NEBL: variants seen among roughly 807,000 people sequenced by gnomAD.
NEBL encodes LIM and SH3 protein 2.
NEBL carries 122 observed loss-of-function variants against 140.2 expected under a neutral mutation model. The observed-to-expected ratio is 0.87, with a 90% CI of 0.75 to 1.01. NEBL has a LOEUF of 1.01. Among genes scored for constraint, NEBL ranks in the 50% least tolerant of loss-of-function variants. The pLI, the probability that NEBL is intolerant of heterozygous loss-of-function variation, is 0.00. For missense variants in NEBL, 1,365 were observed against 1,231.3 expected (o/e 1.11, Z -1.62); for synonymous variants, 436 against 398.9 (o/e 1.09, Z -1.11).
At chr10:21,084,809 G>A (rs1462050590) in intron 2 of NEBL, among the ~76,000 whole-genome samples, 1 of 152,080 alleles carries the variant, frequency 6.6e-6, no homozygotes, top group East Asian at 1.9e-4. Flanking sequence ...AGGGGCATAC[G>A]CACTAGCACA....
Position 20,781,617 on chromosome 10 carries a change from T to C in NEBL, c.*4130A>G, listed in dbSNP as rs1010397348. On this transcript the variant is annotated 3_prime_UTR_variant, in exon 28 of 28. Transcript: ENST00000377122. ...AAATCCTATGGCATTCCCAGGAATA[T>C]ACTGAAGTCATACAGACAACTGAGA... The C allele has an allele frequency of 5.9e-5, 9 of 152,328 alleles. No homozygotes were observed. The South Asian group carries it at 1.0e-3, about 17-fold the overall frequency. The allele number at this position is 152,328 out of a possible 1,614,324, so 9.4% of individuals were successfully genotyped here. A position where few individuals can be genotyped will look rare whatever the true frequency, so the allele number is the denominator to read the frequency against.
At chr10:20,975,848 T>C (rs1251839035) in intron 3 of NEBL, among the ~76,000 whole-genome samples, 1 of 152,104 alleles carries the variant, frequency 6.6e-6, no homozygotes, top group Admixed American at 6.5e-5. Flanking sequence ...ATGTGGGCTG[T>C]AAAGAGATTT....
At chr10:21,064,900 C>CA (rs1171343952) in intron 2 of NEBL, among the ~76,000 whole-genome samples, 1 of 148,108 alleles carries the variant, frequency 6.8e-6, no homozygotes, top group Non-Finnish European at 1.5e-5. Flanking sequence ...GTGGTTTGGA[C>CA]AAGCAGGAAA....
chr10:21,057,270 T>C (rs1031627421), intron 2 of NEBL, among the ~76,000 whole-genome samples: 8 of 152,086 alleles, frequency 5.3e-5, no homozygotes, highest in African/African-American at 1.9e-4. Context: ...GGGTTGCTCT[T>C]TGACTTTTGG....
At chr10:21,269,041 C>T (rs1247702589) in intron 1 of NEBL, among the ~76,000 whole-genome samples, 1 of 152,194 alleles carries the variant, frequency 6.6e-6, no homozygotes, top group Non-Finnish European at 1.5e-5. Context: ...GGTTTGACCA[C>T]CGCCAGAGCA....
chr10:21,155,976 T>C (rs1840322138), intron 2 of NEBL, among the ~76,000 whole-genome samples: 1 of 152,118 alleles, frequency 6.6e-6, no homozygotes, highest in Non-Finnish European at 1.5e-5. Flanking sequence ...TCAAAAGCAA[T>C]ATTGGGAACA....
chr10:20,956,143 A>G (rs1835792247), intron 4 of NEBL, among the ~76,000 whole-genome samples: 1 of 152,240 alleles, frequency 6.6e-6, no homozygotes, highest in South Asian at 2.1e-4. Context: ...AAGCAAAACC[A>G]GGTGTAAGGG....
chr10:20,829,482 T>A (rs891729329), intron 16 of NEBL, among the ~76,000 whole-genome samples: 1 of 151,828 alleles, frequency 6.6e-6, no homozygotes, highest in Non-Finnish European at 1.5e-5. Flanking sequence ...ATATACCTAA[T>A]GCTAGATGAC....
rs533386520 is a variant in NEBL at position 20,785,623 on chromosome 10, T to C, written c.*124A>G. The C allele has an allele frequency of 3.6e-6, 4 of 1,116,064 alleles. No individual in the cohort carries two copies. In the South Asian group the frequency reaches 4.1e-5, roughly 11 times the overall value. The allele number at this position is 1,116,064 out of a possible 1,614,324, so 69.1% of individuals were successfully genotyped here. A position where few individuals can be genotyped will look rare whatever the true frequency, so the allele number is the denominator to read the frequency against. ...TTCTTCCTGGTACCTGTGTGTCTAATTGTCAAAGGAAGGATACATCATTGT... is the reference window on the plus strand; with the variant it reads ...TTCTTCCTGGTACCTGTGTGTCTAACTGTCAAAGGAAGGATACATCATTGT... On this transcript the variant is annotated 3_prime_UTR_variant, in exon 28 of 28. Coordinates refer to ENST00000377122, the MANE Select transcript of NEBL (RefSeq NM_006393.3).
intron 3 of NEBL, among the ~76,000 whole-genome samples, chr10:20,965,004 T>G (rs1251084328): frequency 6.6e-6 from 1 of 152,242 alleles, no homozygotes; most frequent in African/African-American, 2.4e-5. Flanking sequence ...TGTAAATTTC[T>G]CATTGACTTC....
intron 2 of NEBL, among the ~76,000 whole-genome samples, chr10:21,154,547 G>A (rs1411765153): frequency 6.6e-6 from 1 of 151,406 alleles, no homozygotes; most frequent in Non-Finnish European, 1.5e-5. Context: ...AATAACACCT[G>A]TGTTTAGAAA....
rs1200910511 is a variant in NEBL at position 21,152,482 on chromosome 10, G to A, written c.164+19901C>T. Among the ~76,000 whole-genome samples the A allele has an allele frequency of 2.0e-5, 3 of 152,146 alleles. No individual in the cohort carries two copies. The East Asian group carries it at 5.8e-4, about 29-fold the overall frequency. On this transcript the variant is annotated intron_variant, in intron 2 of 6. Transcript: ENST00000417816. ...CATAAATCCGCAGGACACTGAAGTGGGAGGATCACCTGAGCCCAGGAGTTC... is the reference window on the plus strand; with the variant it reads ...CATAAATCCGCAGGACACTGAAGTGAGAGGATCACCTGAGCCCAGGAGTTC...
chr10:21,116,776 C>T (rs1838303375), intron 2 of NEBL, among the ~76,000 whole-genome samples: 1 of 152,072 alleles, frequency 6.6e-6, no homozygotes, highest in South Asian at 2.1e-4. Context: ...TTTAAGCAAT[C>T]CTCCCACCTT....
At chr10:20,982,375 T>TGTAGAAC (rs151277895) in intron 3 of NEBL, among the ~76,000 whole-genome samples, 24,655 of 151,962 alleles carry the variant, frequency 0.16, 3,408 homozygotes, top group East Asian at 0.38. Context: ...TTTTTTTATT[T>TGTAGAAC]GTTGAACTTG....
intron 2 of NEBL, among the ~76,000 whole-genome samples, chr10:21,129,868 T>C (rs1412154511): frequency 1.3e-5 from 2 of 151,992 alleles, no homozygotes; most frequent in Non-Finnish European, 2.9e-5. Flanking sequence ...AAAATAGTAA[T>C]AAATACGGCA....
At chr10:21,178,026 A>C (rs1166077297), upstream of NEBL, among the ~76,000 whole-genome samples, 1 of 152,220 alleles carries the variant, frequency 6.6e-6, no homozygotes, top group African/African-American at 2.4e-5. Context: ...TTTCGCAACC[A>C]ACAACTTTGG....
In NEBL at chr10:21,083,792, C is replaced by T. The variant is rs1836494371; in HGVS notation, c.165-63591G>A. On this transcript the variant is annotated intron_variant, in intron 2 of 6. Coordinates refer to the NEBL transcript ENST00000417816. ...CCCAGGAGGTGGAGGTTGCAGTGAGCCATGATTGTGCCACTGCACTGCAGC... is the reference window on the plus strand; with the variant it reads ...CCCAGGAGGTGGAGGTTGCAGTGAGTCATGATTGTGCCACTGCACTGCAGC... Among the ~76,000 whole-genome samples, 8 of 152,110 alleles carry T rather than the reference C, an allele frequency of 5.3e-5. No homozygotes were observed. The South Asian group carries it at 1.7e-3, about 32-fold the overall frequency.
intron 2 of NEBL, among the ~76,000 whole-genome samples, chr10:21,157,420 A>G (rs1840378419): frequency 6.6e-6 from 1 of 152,134 alleles, no homozygotes; most frequent in Non-Finnish European, 1.5e-5. Flanking sequence ...AATACAAAAA[A>G]TTAGCTGGGT....
chr10:20,955,449 G>A (rs150723624), intron 4 of NEBL, among the ~76,000 whole-genome samples: 41 of 152,282 alleles, frequency 2.7e-4, no homozygotes, highest in Non-Finnish European at 5.0e-4. Flanking sequence ...CAGATAGTGT[G>A]AAATTGTCCT....
Sources: gnomAD v4.1 joint callset for allele counts (sites outside exome capture counted in the v4.1 genomes callset) on GRCh38, gnomAD v4.1.1 for gene constraint, MANE v1.5 for transcripts, NCBI Gene and HGNC (gene_info 2026-07-23, HGNC 2026-07-21) for gene names.